Variants in PLXDC2 observed in about 807,000 individuals in gnomAD.
PLXDC2 encodes the protein plexin domain containing 2.
PLXDC2 carries 40 observed loss-of-function variants against 68.9 expected under a neutral mutation model. The ratio of observed to expected loss-of-function variants is 0.58; its 90% confidence interval spans 0.45 to 0.76. The LOEUF (loss-of-function observed/expected upper bound fraction) is 0.76. Among genes scored for constraint, PLXDC2 ranks in the 30% least tolerant of loss-of-function variants. The pLI is 0.00. For missense variants in PLXDC2, 644 were observed against 661.9 expected (o/e 0.97, Z 0.30); for synonymous variants, 243 against 234.2 (o/e 1.04, Z -0.34).
At chr10:20,269,504 G>T (rs1342309398) in intron 13 of PLXDC2, among the ~76,000 whole-genome samples, 3 of 152,106 alleles carry the variant, frequency 2.0e-5, no homozygotes, top group African/African-American at 7.2e-5. Flanking sequence ...CAGAGAGGAA[G>T]GGGAGATACC....
chr10:20,111,111 C>G (rs1833555037), intron 4 of PLXDC2, among the ~76,000 whole-genome samples: 1 of 152,332 alleles, frequency 6.6e-6, no homozygotes, highest in East Asian at 1.9e-4. Context: ...GCACAGAACA[C>G]TAGGCAGATG....
intron 2 of PLXDC2, among the ~76,000 whole-genome samples, chr10:20,038,304 A>C (rs963309867): frequency 1.3e-5 from 2 of 152,130 alleles, no homozygotes; most frequent in African/African-American, 4.8e-5. Context: ...CATACATAAG[A>C]TATCGCTAGA....
rs968462178 is a variant in PLXDC2 at position 20,273,864 on chromosome 10, A to G, written c.1474-5839A>G. Among the ~76,000 whole-genome samples the G allele has an allele frequency of 2.6e-5, 4 of 152,178 alleles. No homozygotes were observed. The South Asian group carries it at 8.3e-4, about 32-fold the overall frequency. On this transcript the variant is annotated intron_variant, in intron 13 of 13. Transcript: ENST00000377252. ...AAACCTGTCTCTACTAAATAAATAA[A>G]TAAACAAATAAAAGTTTAAAAAATA...
chr10:20,236,762 G>A (rs1835437514), intron 12 of PLXDC2, among the ~76,000 whole-genome samples: 1 of 152,068 alleles, frequency 6.6e-6, no homozygotes, highest in African/African-American at 2.4e-5. Context: ...GAGTGTGGTA[G>A]TAGGATCAAA....
At chr10:19,977,179 T>A (rs368290999) in intron 1 of PLXDC2, among the ~76,000 whole-genome samples, 1 of 152,302 alleles carries the variant, frequency 6.6e-6, no homozygotes, top group South Asian at 2.1e-4. Flanking sequence ...AGAAAGCCGA[T>A]TGGCATTCAC....
chr10:20,035,628 G>A (rs1318414040), intron 2 of PLXDC2, among the ~76,000 whole-genome samples: 1 of 151,976 alleles, frequency 6.6e-6, no homozygotes, highest in Non-Finnish European at 1.5e-5. Context: ...CCCGGGAGGT[G>A]GAAGTTGCAG....
intron 1 of PLXDC2, among the ~76,000 whole-genome samples, chr10:19,924,808 T>C (rs948969193): frequency 2.6e-5 from 4 of 152,162 alleles, no homozygotes; most frequent in Non-Finnish European, 5.9e-5. Flanking sequence ...AAAATAGATA[T>C]TGGTGTCTGT....
Position 20,160,618 on chromosome 10 carries a change from G to A in PLXDC2, c.784-3850G>A, listed in dbSNP as rs189345370. Among the ~76,000 whole-genome samples the A allele has an allele frequency of 1.3e-4, 20 of 152,158 alleles. No individual in the cohort carries two copies. In the East Asian group the frequency reaches 2.3e-3, roughly 18 times the overall value. On this transcript the variant is annotated intron_variant, in intron 6 of 13. Transcript: ENST00000377252. ...TCAGTGATAGAAAACTCAGTACACC[G>A]TGAGGCTACCCATTTTGGTTTCGGG... is the stretch of plus-strand genomic sequence containing the variant.
chr10:19,933,374 G>A (rs1252907935), intron 1 of PLXDC2, among the ~76,000 whole-genome samples: 1 of 152,122 alleles, frequency 6.6e-6, no homozygotes, highest in African/African-American at 2.4e-5. Context: ...GGTGGCTCAT[G>A]CCTGTAATTC....
At chr10:20,248,153 A>G (rs1835625104) in intron 13 of PLXDC2, among the ~76,000 whole-genome samples, 1 of 152,210 alleles carries the variant, frequency 6.6e-6, no homozygotes, top group African/African-American at 2.4e-5. Flanking sequence ...ACACTGAAAT[A>G]TCTGATGGTG....
intron 1 of PLXDC2, among the ~76,000 whole-genome samples, chr10:19,932,986 A>G (rs184150859): frequency 1.3e-3 from 202 of 152,270 alleles, no homozygotes; most frequent in African/African-American, 4.7e-3. Context: ...CCACACATAA[A>G]ATTTCCCTTT....
intron 1 of PLXDC2, among the ~76,000 whole-genome samples, chr10:19,979,637 G>C (rs570031622): frequency 6.6e-6 from 1 of 152,166 alleles, no homozygotes; most frequent in Non-Finnish European, 1.5e-5. Context: ...CTCTCAAAGC[G>C]CTGGGATTAC....
chr10:19,987,778 A>G (rs998921875), intron 1 of PLXDC2, among the ~76,000 whole-genome samples: 1 of 151,682 alleles, frequency 6.6e-6, no homozygotes, highest in Non-Finnish European at 1.5e-5. Context: ...GTTGGCCAGG[A>G]TGGTCTCGAT....
At chr10:20,145,390 A>G (rs1834063230) in intron 5 of PLXDC2, among the ~76,000 whole-genome samples, 1 of 152,262 alleles carries the variant, frequency 6.6e-6, no homozygotes, top group African/African-American at 2.4e-5. Context: ...TTTAGTTAGA[A>G]TCATTGACAG....
intron 5 of PLXDC2, among the ~76,000 whole-genome samples, chr10:20,143,853 A>C (rs1251813421): frequency 6.6e-6 from 1 of 152,174 alleles, no homozygotes; most frequent in African/African-American, 2.4e-5. Context: ...ACATATTTTA[A>C]GAAGTATAAA....
chr10:19,913,718 A>G (rs1386055840), intron 1 of PLXDC2, among the ~76,000 whole-genome samples: 1 of 152,218 alleles, frequency 6.6e-6, no homozygotes, highest in Non-Finnish European at 1.5e-5. Flanking sequence ...TCAGCTATCA[A>G]TAGCAGGTGA....
intron 13 of PLXDC2, among the ~76,000 whole-genome samples, chr10:20,259,705 G>A (rs1835785738): frequency 6.6e-6 from 1 of 152,294 alleles, no homozygotes; most frequent in South Asian, 2.1e-4. Flanking sequence ...AATACAGCAG[G>A]CCCATGTGAG....
intron 4 of PLXDC2, among the ~76,000 whole-genome samples, chr10:20,079,038 GA>G (rs564372857): frequency 8.3e-4 from 126 of 151,716 alleles, no homozygotes; most frequent in African/African-American, 2.9e-3. Flanking sequence ...TAAAAATATT[GA>G]AAAAAATGCA....
At chr10:20,030,982 C>T (rs1835492918) in intron 2 of PLXDC2, among the ~76,000 whole-genome samples, 2 of 152,214 alleles carry the variant, frequency 1.3e-5, no homozygotes, top group Admixed American at 6.5e-5. Flanking sequence ...GATAGAGACC[C>T]TAAACATGTG....
Sources: gnomAD v4.1 joint callset for allele counts (sites outside exome capture counted in the v4.1 genomes callset) on GRCh38, gnomAD v4.1.1 for gene constraint, MANE v1.5 for transcripts, NCBI Gene and HGNC (gene_info 2026-07-23, HGNC 2026-07-21) for gene names.